The following CYP19A1 variants were observed in gnomAD, a reference collection of about 807,000 sequenced individuals.
CYP19A1 encodes cytochrome P450 family 19 subfamily A member 1, also known as aromatase.
A neutral mutation model predicts 44.4 loss-of-function variants in CYP19A1; 32 were observed. The observed-to-expected ratio is 0.72, with a 90% CI of 0.54 to 0.97. CYP19A1 has a LOEUF of 0.97. Ranked by LOEUF, CYP19A1 falls within the 50% of genes least tolerant of loss-of-function variation. The pLI is 0.00. For missense variants in CYP19A1, 598 were observed against 637.8 expected, an observed-to-expected ratio of 0.94 and a Z score of 0.67; for synonymous variants, 212 against 215.6, an observed-to-expected ratio of 0.98 and a Z score of 0.14.
chr15:51,274,933 A>C (rs2035252086), intron 1 of CYP19A1, among the ~76,000 whole-genome samples: 1 of 152,040 alleles, frequency 6.6e-6, no homozygotes, highest in African/African-American at 2.4e-5. Context: ...TGCTTTCTCT[A>C]TTGTCATCTC....
At chr15:51,214,955 G>A in intron 8 of CYP19A1, 115 bp downstream of exon 8, 1 of 1,489,158 alleles carries the variant, frequency 6.7e-7, no homozygotes, top group Non-Finnish European at 9.0e-7. Context: ...TTGCTTTATT[G>A]TTTGGAGCAA....
At chr15:51,250,284 C>G (rs1210357943) in intron 1 of CYP19A1, among the ~76,000 whole-genome samples, 1 of 152,226 alleles carries the variant, frequency 6.6e-6, no homozygotes, top group African/African-American at 2.4e-5. Flanking sequence ...CTTTCTCACT[C>G]ACCTCTGAGG....
chr15:51,263,079 T>C (rs2034789662), intron 1 of CYP19A1, among the ~76,000 whole-genome samples: 1 of 152,042 alleles, frequency 6.6e-6, no homozygotes, highest in South Asian at 2.1e-4. Flanking sequence ...CAAGGCAGAA[T>C]ATGTTGTGAT....
At chr15:51,235,475 T>C (rs1038682354) in intron 3 of CYP19A1, among the ~76,000 whole-genome samples, 1 of 152,180 alleles carries the variant, frequency 6.6e-6, no homozygotes, top group African/African-American at 2.4e-5. Flanking sequence ...CCCAATGAAA[T>C]GATGTTTCCA....
chr15:51,237,041 T>A (rs1383689492), intron 2 of CYP19A1, 32 bp from the exon 3 acceptor site: 1 of 1,613,634 alleles, frequency 6.2e-7, no homozygotes, highest in Non-Finnish European at 8.5e-7. Flanking sequence ...AAGCAACATC[T>A]TAGTTACACC....
At chr15:51,211,556 A>G (rs2030986998) in intron 9 of CYP19A1, 2 of 364,530 alleles carry the variant, frequency 5.5e-6, no homozygotes, top group Non-Finnish European at 1.1e-5. Context: ...AGTGCCTGGC[A>G]TATAGTAGAT....
intron 1 of CYP19A1, among the ~76,000 whole-genome samples, chr15:51,328,078 T>C (rs906068009): frequency 6.6e-6 from 1 of 152,234 alleles, no homozygotes; most frequent in Non-Finnish European, 1.5e-5. Context: ...CAGAGTCACA[T>C]GTGTTTTTAG....
chr15:51,281,183 C>T (rs1212804675), intron 1 of CYP19A1, among the ~76,000 whole-genome samples: 1 of 152,180 alleles, frequency 6.6e-6, no homozygotes, highest in African/African-American at 2.4e-5. Context: ...GCTACACAGC[C>T]CCTTCTACTT....
chr15:51,275,842 T>G lies in CYP19A1; in HGVS notation c.-38-32892A>C, dbSNP rs542852511. On this transcript the variant is annotated intron_variant, in intron 1 of 9. Transcript: ENST00000396402. ...CGTTCAGGTAGTAAAGTGTCCAAAG[T>G]AAATGGATTCATTTGTAACATAGAT... Among the ~76,000 whole-genome samples, 7 of 152,308 alleles carry G rather than the reference T, an allele frequency of 4.6e-5. No homozygotes were observed. The South Asian group carries it at 1.4e-3, about 32-fold the overall frequency.
chr15:51,231,727 A>T (rs1040499414), intron 3 of CYP19A1, among the ~76,000 whole-genome samples: 2 of 151,956 alleles, frequency 1.3e-5, no homozygotes, highest in Admixed American at 6.6e-5. Context: ...ATGCTACTGC[A>T]TGTCCCCAGC....
At chr15:51,285,613 CT>C (rs1566912018) in intron 1 of CYP19A1, among the ~76,000 whole-genome samples, 3 of 152,184 alleles carry the variant, frequency 2.0e-5, no homozygotes, top group Non-Finnish European at 4.4e-5. Context: ...TGGCTCCTTG[CT>C]TCTAGCTTAA....
At chr15:51,247,157 G>GTTCT (rs1418053513) in intron 1 of CYP19A1, among the ~76,000 whole-genome samples, 3 of 152,070 alleles carry the variant, frequency 2.0e-5, no homozygotes, top group African/African-American at 7.2e-5. Context: ...CTCTACAGCT[G>GTTCT]TTCTTATTCC....
In CYP19A1 at chr15:51,297,647, C is replaced by A. The variant is rs115406601; in HGVS notation, c.-39+40848G>T. 5.5e-3 allele frequency among the ~76,000 whole-genome samples: 834 copies of A among 152,182 alleles called. 11 individuals carry two copies. The highest frequency in any genetic ancestry group is 0.019 in the African/African-American group (803 of 41,506). On this transcript the variant is annotated intron_variant, in intron 1 of 9. Coordinates refer to ENST00000396402, the MANE Select transcript of CYP19A1 (RefSeq NM_000103.4). Reference sequence around the variant, plus strand: ...CCCCAGTGCTCTGCTCTGCTCCCTCCCCTGTCTCCCTCCCTGCTCAATGCC... The same window carrying A: ...CCCCAGTGCTCTGCTCTGCTCCCTCACCTGTCTCCCTCCCTGCTCAATGCC...
intron 7 of CYP19A1, 117 bp from the exon 8 acceptor site, chr15:51,215,349 G>A: frequency 6.8e-7 from 1 of 1,476,052 alleles, no homozygotes; most frequent in Non-Finnish European, 9.3e-7. Context: ...GAAACCACAT[G>A]TCTCTGTGAT....
chr15:51,279,097 C>T (rs1007092458), intron 1 of CYP19A1: 4 of 152,214 alleles, frequency 2.6e-5, no homozygotes, highest in Non-Finnish European at 5.9e-5. Context: ...TTTCTACCTC[C>T]TCCATTCTTC....
intron 1 of CYP19A1, among the ~76,000 whole-genome samples, chr15:51,327,421 G>A (rs934746889): frequency 1.3e-5 from 2 of 151,786 alleles, no homozygotes; most frequent in African/African-American, 4.8e-5. Flanking sequence ...GCCATCTAAT[G>A]TTCTCACCCC....
chr15:51,208,149 C>T lies in CYP19A1; in HGVS notation c.*2659G>A, dbSNP rs1054716529. ...AGCTGATATAGATTGAAAAGGGTCC[C>T]TCTATCCTTCAGTGGGCCAATGGCA... On this transcript the variant is annotated 3_prime_UTR_variant, in exon 10 of 10. Coordinates refer to ENST00000396402, the MANE Select transcript of CYP19A1 (RefSeq NM_000103.4). 1 of 152,184 alleles carries T rather than the reference C, an allele frequency of 6.6e-6. No individual in the cohort carries two copies. Among genetic ancestry groups the T allele is most frequent in the African/African-American group, 2.4e-5 (1 of 41,452 alleles). The allele number at this position is 152,184 out of a possible 1,614,324, so 9.4% of individuals were successfully genotyped here.
chr15:51,277,065 AAAG>A (rs1303985960), intron 1 of CYP19A1: 1 of 151,974 alleles, frequency 6.6e-6, no homozygotes, highest in Non-Finnish European at 1.5e-5. Flanking sequence ...AGAAATAAAG[AAAG>A]AAAAAGAGAG....
intron 3 of CYP19A1, among the ~76,000 whole-genome samples, chr15:51,229,616 TTGTC>T (rs753049509): frequency 2.6e-5 from 4 of 152,060 alleles, no homozygotes; most frequent in African/African-American, 4.8e-5. Flanking sequence ...TCTGGGGAAT[TTGTC>T]TGACGTTTCA....
Sources: gnomAD v4.1 joint callset for allele counts (sites outside exome capture counted in the v4.1 genomes callset) on GRCh38, gnomAD v4.1.1 for gene constraint, MANE v1.5 for transcripts, NCBI Gene and HGNC (gene_info 2026-07-23, HGNC 2026-07-21) for gene names.